LRRC69: variants seen among roughly 807,000 people sequenced by gnomAD.
LRRC69 encodes the protein leucine-rich repeat-containing protein 69.
LRRC69 carries 42 observed loss-of-function variants against 37.8 expected under a neutral mutation model. The ratio of observed to expected loss-of-function variants is 1.11; its 90% CI spans 0.87 to 1.44. The LOEUF (loss-of-function observed/expected upper bound fraction) is 1.44. Among genes scored for constraint, LRRC69 ranks in the 40% most tolerant of loss-of-function variants. The pLI is 0.00. For missense variants in LRRC69, 357 were observed against 401.9 expected, an observed-to-expected ratio of 0.89 and a Z score of 0.96; for synonymous variants, 141 against 143.1, an observed-to-expected ratio of 0.99 and a Z score of 0.11.
intron 7 of LRRC69, among the ~76,000 whole-genome samples, chr8:91,202,311 G>A (rs35849672): frequency 0.02 from 2,986 of 152,220 alleles, 41 homozygotes; most frequent in Middle Eastern, 0.058. Flanking sequence ...TTAAAATCAG[G>A]TGTCATTTAA....
In LRRC69 at chr8:91,198,555, ATAATT is replaced by A. The variant is rs555419275; in HGVS notation, c.754-2053_754-2049del. ...TTCATATTATATAATTTTTATGTGT[ATAATT>A]TAATAACTCAAAAATTATAAGGAAA... is the stretch of plus-strand genomic sequence containing the variant. On this transcript the variant is annotated intron_variant, in intron 6 of 7. Coordinates refer to ENST00000448384, the Ensembl canonical transcript of LRRC69. Among the ~76,000 whole-genome samples, 1,010 of 130,840 alleles carry A rather than the reference ATAATT, an allele frequency of 7.7e-3. 2 individuals carry two copies. Among genetic ancestry groups the A allele is most frequent in the Non-Finnish European group, 0.011 (671 of 61,336 alleles). 85.8% of individuals were successfully genotyped at this position (130,840 alleles called of 152,430 possible).
chr8:91,197,731 G>A (rs1473122798), intron 6 of LRRC69, among the ~76,000 whole-genome samples: 3 of 151,934 alleles, frequency 2.0e-5, no homozygotes, highest in Admixed American at 6.5e-5. Context: ...CCACTGACCG[G>A]CGCCCACTGT....
chr8:91,187,205 C>T (rs1809420977), intron 5 of LRRC69, among the ~76,000 whole-genome samples: 1 of 152,178 alleles, frequency 6.6e-6, no homozygotes, highest in Admixed American at 6.5e-5. Flanking sequence ...GGCAATGTGA[C>T]CACTGGTTCC....
At chr8:91,160,395 T>A (rs1430611408) in intron 5 of LRRC69, among the ~76,000 whole-genome samples, 1 of 151,088 alleles carries the variant, frequency 6.6e-6, no homozygotes, top group Non-Finnish European at 1.5e-5. Flanking sequence ...TTCTTTGTCT[T>A]GCCTAATTAC....
chr8:91,189,593 T>C (rs1328915932), exon 6 of LRRC69: 5 of 1,551,362 alleles, frequency 3.2e-6, no homozygotes, highest in Non-Finnish European at 4.4e-6. Context: ...CAGTGATTTC[T>C]ACACAGCAGG....
At chr8:91,177,953 A>G (rs1809262981) in intron 5 of LRRC69, among the ~76,000 whole-genome samples, 3 of 147,100 alleles carry the variant, frequency 2.0e-5, no homozygotes, top group African/African-American at 7.6e-5. Flanking sequence ...GGTTCATGCC[A>G]TTCCCCTGCC....
At chr8:91,110,579 C>T (rs1441166217) in intron 1 of LRRC69, among the ~76,000 whole-genome samples, 1 of 146,310 alleles carries the variant, frequency 6.8e-6, no homozygotes, top group African/African-American at 2.5e-5. Context: ...GTGGAGGTTG[C>T]AGTGAGCCGA....
chr8:91,158,017 T>C, intron 5 of LRRC69: 1 of 1,317,478 alleles, frequency 7.6e-7, no homozygotes, highest in Non-Finnish European at 1.1e-6. Context: ...TTCATGCAGA[T>C]GTTGGAGACA....
chr8:91,207,938 T>C (rs1330835110), intron 7 of LRRC69, among the ~76,000 whole-genome samples: 2 of 152,190 alleles, frequency 1.3e-5, no homozygotes, highest in Admixed American at 1.3e-4. Context: ...GAGAGCAAGG[T>C]GCCAGGAGGG....
chr8:91,148,680 C>A (rs1439033062), intron 5 of LRRC69, among the ~76,000 whole-genome samples: 3 of 151,974 alleles, frequency 2.0e-5, no homozygotes, highest in African/African-American at 7.2e-5. Flanking sequence ...AAGGGTTGAA[C>A]TAGTTTACAG....
intron 6 of LRRC69, among the ~76,000 whole-genome samples, chr8:91,192,352 T>C (rs1001039369): frequency 6.6e-6 from 1 of 152,110 alleles, no homozygotes; most frequent in African/African-American, 2.4e-5. Flanking sequence ...GTCCTTTGGG[T>C]ACATACTCAG....
chr8:91,136,826 T>A (rs1159654268), intron 5 of LRRC69, among the ~76,000 whole-genome samples: 1 of 152,128 alleles, frequency 6.6e-6, no homozygotes, highest in Non-Finnish European at 1.5e-5. Flanking sequence ...CTTTTACCAC[T>A]GACTTATTTC....
At chr8:91,187,764 A>T (rs1418593445) in intron 5 of LRRC69, among the ~76,000 whole-genome samples, 1 of 152,206 alleles carries the variant, frequency 6.6e-6, no homozygotes, top group African/African-American at 2.4e-5. Flanking sequence ...TCAACCATCC[A>T]GTGTCTTCAG....
intron 7 of LRRC69, among the ~76,000 whole-genome samples, chr8:91,211,245 G>A (rs927337353): frequency 3.3e-5 from 5 of 151,714 alleles, no homozygotes; most frequent in East Asian, 1.9e-4. Context: ...GGATTCTAGC[G>A]TTATTAAAAT....
At chr8:91,207,162 G>C (rs906022467) in intron 7 of LRRC69, among the ~76,000 whole-genome samples, 1 of 152,150 alleles carries the variant, frequency 6.6e-6, no homozygotes. Flanking sequence ...ATAAGGATTG[G>C]AATCTGACAA....
intron 1 of LRRC69, among the ~76,000 whole-genome samples, chr8:91,118,789 C>A (rs934706248): frequency 6.6e-6 from 1 of 152,020 alleles, no homozygotes; most frequent in South Asian, 2.1e-4. Context: ...TACACATAAC[C>A]GTAGAGAATG....
chr8:91,145,380 T>C (rs1808599884), intron 5 of LRRC69, among the ~76,000 whole-genome samples: 2 of 151,908 alleles, frequency 1.3e-5, no homozygotes, highest in African/African-American at 4.8e-5. Context: ...CTCATCCCCA[T>C]TGTTGTTCTG....
rs1197736021 is a variant in LRRC69, at chr8:91,134,659, A to C, written c.580-1009A>C. Among the ~76,000 whole-genome samples, 31 of 152,024 alleles carry C rather than the reference A, an allele frequency of 2.0e-4. 2 individuals are homozygous for C. Among genetic ancestry groups the C allele is most frequent in the Non-Finnish European group, 4.4e-5 (3 of 68,034 alleles). ...TTGTAGGTATTCCTTAATCCAGTCA[A>C]GTTGACACCTAAAATTAACCATCAC... On this transcript the variant is annotated intron_variant, in intron 4 of 7. Transcript: ENST00000448384.
chr8:91,123,352 G>C (rs894102568), intron 1 of LRRC69, among the ~76,000 whole-genome samples: 1 of 152,082 alleles, frequency 6.6e-6, no homozygotes, highest in Non-Finnish European at 1.5e-5. Flanking sequence ...ATAGAAGAAG[G>C]CCTCAAACAT....
Sources: gnomAD v4.1 joint callset for allele counts (sites outside exome capture counted in the v4.1 genomes callset) on GRCh38, gnomAD v4.1.1 for gene constraint, MANE v1.5 for transcripts, NCBI Gene and HGNC (gene_info 2026-07-23, HGNC 2026-07-21) for gene names.